SLC36A4: variants seen among roughly 807,000 people sequenced by gnomAD.
SLC36A4 encodes the protein solute carrier family 36 member 4.
SLC36A4 carries 49 observed loss-of-function variants against 50.5 expected under a neutral mutation model. The ratio of observed to expected loss-of-function variants is 0.97; its 90% CI spans 0.77 to 1.23. The LOEUF is 1.23. Among genes scored for constraint, SLC36A4 ranks in the 50% most tolerant of loss-of-function variants. SLC36A4 has a pLI of 0.00. For missense variants in SLC36A4, 611 were observed against 608.4 expected, an observed-to-expected ratio of 1.00 and a Z score of -0.05; for synonymous variants, 207 against 206.5, an observed-to-expected ratio of 1.00 and a Z score of -0.02.
At chr11:93,168,296 A>T in intron 6 of SLC36A4, 125 bp from the exon 7 acceptor site, 1 of 475,964 alleles carries the variant, frequency 2.1e-6, no homozygotes, top group Non-Finnish European at 3.7e-6. Context: ...GATATATTTT[A>T]AAATATTTAC....
At position 93,176,958 on chromosome 11, in the gene SLC36A4, T is replaced by C. The variant is rs1861504062; in HGVS notation, c.540+3839A>G. Among the ~76,000 whole-genome samples the C allele has an allele frequency of 2.6e-5, 4 of 152,288 alleles. No individual in the cohort carries two copies. In the South Asian group the frequency reaches 8.3e-4, roughly 32 times the overall value. On this transcript the variant is annotated intron_variant, in intron 6 of 10. Transcript: ENST00000326402. ...AGTTGCTCTTCTCGAGGTGTTACCTTTGTGGCGTTCTCTGTATTTCCTGAA... is the reference window on the plus strand; with the variant it reads ...AGTTGCTCTTCTCGAGGTGTTACCTCTGTGGCGTTCTCTGTATTTCCTGAA...
At chr11:93,166,894 G>A (rs1051064127) in intron 7 of SLC36A4, 1 of 152,150 alleles carries the variant, frequency 6.6e-6, no homozygotes, top group South Asian at 2.1e-4. Flanking sequence ...CATATACTGG[G>A]TTTAGAATGA....
Position 93,162,726 on chromosome 11 carries a change from T to TAAAGTTA in SLC36A4, c.1010_1016dup (p.Leu339PhefsTer49). 6.2e-7 allele frequency: 1 copy of TAAAGTTA among 1,610,422 alleles called. No homozygotes were observed. Among genetic ancestry groups the TAAAGTTA allele is most frequent in the Non-Finnish European group, 8.5e-7 (1 of 1,178,914 alleles). On this transcript the variant is annotated frameshift_variant, in exon 9 of 11. Coordinates refer to ENST00000326402, the MANE Select transcript of SLC36A4 (RefSeq NM_152313.4). LOFTEE classifies it high-confidence loss of function. ...CCTACCATACATCTTGGGGAAGATTTAAAGTTATGCTGCCTTTGATTTCAT... is the reference window on the plus strand; with the variant it reads ...CCTACCATACATCTTGGGGAAGATTTAAAGTTAAAAGTTATGCTGCCTTTGATTTCAT...
chr11:93,179,719 T>C (rs1271895196), intron 6 of SLC36A4, among the ~76,000 whole-genome samples: 1 of 152,166 alleles, frequency 6.6e-6, no homozygotes, highest in East Asian at 1.9e-4. Context: ...GGCTCAAATA[T>C]AGCATACAGG....
chr11:93,148,970 A>T lies in SLC36A4; in HGVS notation c.1208-126T>A. 1.9e-6 allele frequency: 2 copies of T among 1,031,716 alleles called. 1 individual carries two copies. Among genetic ancestry groups the T allele is most frequent in the South Asian group, 3.3e-5 (2 of 60,218 alleles). The allele number at this position is 1,031,716 out of a possible 1,614,324, so 63.9% of individuals were successfully genotyped here. The stretch of plus-strand genomic sequence containing the variant: ...TAATTAATGAAAGTTGAACTACTAA[A>T]CTATTGCTTGTGAAAAAAATCTGCC... On this transcript the variant is annotated intron_variant, in intron 10 of 10. Coordinates refer to ENST00000326402, the MANE Select transcript of SLC36A4 (RefSeq NM_152313.4).
chr11:93,165,963 T>C lies in SLC36A4; in HGVS notation c.822A>G (p.Pro274=), dbSNP rs768066955. The part of the protein sequence containing the change: ...LPIVAGWKKY[P]LFFGTAVFAF... ...CAAATACAGCAGTACCAAAAAAGAG[T>C]GGGTATTTCTTCCAACCAGCCACTA... The change falls in exon 8 of 11, where the codon CCA becomes CCG. Residue 274 remains proline, a synonymous_variant. Coordinates refer to ENST00000326402, the MANE Select transcript of SLC36A4 (RefSeq NM_152313.4). 3 of 1,610,390 alleles carry C rather than the reference T, an allele frequency of 1.9e-6. No homozygotes were observed. Among genetic ancestry groups the C allele is most frequent in the African/African-American group, 1.3e-5 (1 of 74,666 alleles).
intron 6 of SLC36A4, among the ~76,000 whole-genome samples, chr11:93,179,291 C>T (rs988040258): frequency 3.9e-5 from 6 of 152,186 alleles, no homozygotes; most frequent in African/African-American, 1.4e-4. Flanking sequence ...AAGCCAGACA[C>T]TCTTAGATGC....
chr11:93,180,952 T>G (rs2134691055), intron 5 of SLC36A4, 71 bp from the exon 6 acceptor site: 1 of 1,098,940 alleles, frequency 9.1e-7, no homozygotes, highest in Non-Finnish European at 1.4e-6. Flanking sequence ...ATTTCTCTTT[T>G]CAAGAGTTTT....
chr11:93,148,251 GATAAA>G lies in SLC36A4; in HGVS notation c.*281_*285del, dbSNP rs1196692714. 1 of 245,048 alleles carries G rather than the reference GATAAA, an allele frequency of 4.1e-6. No homozygotes were observed. The highest frequency in any genetic ancestry group is 5.5e-5 in the Admixed American group (1 of 18,120). The allele number at this position is 245,048 out of a possible 1,614,324, so 15.2% of individuals were successfully genotyped here. A position where few individuals can be genotyped will look rare whatever the true frequency, so the allele number is the denominator to read the frequency against. ...ACTTGGTTAAGGTATTTCTTACTGA[GATAAA>G]AGAATAATAGAAGTATTTTTATTCT... On this transcript the variant is annotated 3_prime_UTR_variant, in exon 11 of 11. Coordinates refer to ENST00000326402, the MANE Select transcript of SLC36A4 (RefSeq NM_152313.4).
chr11:93,167,939 C>A lies in SLC36A4; in HGVS notation c.768+5G>T. On this transcript the variant is annotated splice_donor_5th_base_variant and intron_variant, in intron 7 of 10. Coordinates refer to ENST00000326402, the MANE Select transcript of SLC36A4 (RefSeq NM_152313.4). ...AGAACTTAGTTAAAAACTTTTTATA[C>A]TTACCCTGACAACATACTGGTAAAT... is the stretch of plus-strand genomic sequence containing the variant. The A allele has an allele frequency of 1.3e-6, 2 of 1,581,572 alleles. No individual in the cohort carries two copies. Among genetic ancestry groups the A allele is most frequent in the Middle Eastern group, 1.7e-4 (1 of 5,870 alleles).
In SLC36A4 at chr11:93,180,305, C is replaced by T. The variant is rs999671942; in HGVS notation, c.540+492G>A. The T allele has an allele frequency of 3.0e-6, 3 of 985,142 alleles. No individual in the cohort carries two copies. In the African/African-American group the frequency reaches 5.2e-5, roughly 17 times the overall value. 61.0% of individuals were successfully genotyped at this position (985,142 alleles called of 1,614,324 possible). A position where few individuals can be genotyped will look rare whatever the true frequency, so the allele number is the denominator to read the frequency against. On this transcript the variant is annotated intron_variant, in intron 6 of 10. Coordinates refer to ENST00000326402, the MANE Select transcript of SLC36A4 (RefSeq NM_152313.4). ...CAAACCACTTCTTCTTAAAGCAAACCTTCATAATATGAGAAAGTTTCTCAA... is the reference window on the plus strand; with the variant it reads ...CAAACCACTTCTTCTTAAAGCAAACTTTCATAATATGAGAAAGTTTCTCAA...
At chr11:93,188,459 A>AATTC (rs1862081778) in intron 1 of SLC36A4, among the ~76,000 whole-genome samples, 1 of 152,220 alleles carries the variant, frequency 6.6e-6, no homozygotes, top group Non-Finnish European at 1.5e-5. Context: ...AAATTCCTGA[A>AATTC]GTCAAAACTG....
At chr11:93,192,412 G>A (rs887835741) in intron 1 of SLC36A4, among the ~76,000 whole-genome samples, 17 of 152,234 alleles carry the variant, frequency 1.1e-4, no homozygotes, top group African/African-American at 3.4e-4. Flanking sequence ...TCAGATCAGA[G>A]GTGACAGAAA....
intron 5 of SLC36A4, among the ~76,000 whole-genome samples, chr11:93,181,417 C>T (rs1053298400): frequency 3.3e-5 from 5 of 151,872 alleles, no homozygotes; most frequent in African/African-American, 7.2e-5. Flanking sequence ...TATCATTTTA[C>T]TTCATCTACC....
At position 93,155,971 on chromosome 11, in the gene SLC36A4, T is replaced by G. The variant is rs370134363; in HGVS notation, c.1038-1694A>C. On this transcript the variant is annotated intron_variant, in intron 9 of 10. Transcript: ENST00000326402. ...TGTACCACATCTTCTTTATCCAATC[T>G]ATCACTGACAGGCATTTAGGTTAAT... 1.8e-4 allele frequency among the ~76,000 whole-genome samples: 28 copies of G among 152,350 alleles called. 1 individual carries two copies. The highest frequency in any genetic ancestry group is 6.0e-4 in the African/African-American group (25 of 41,588).
chr11:93,195,847 C>T (rs1330410179), intron 1 of SLC36A4, among the ~76,000 whole-genome samples: 3 of 152,168 alleles, frequency 2.0e-5, no homozygotes, highest in Non-Finnish European at 4.4e-5. Flanking sequence ...TTCAATAAGG[C>T]CCATCCCAAC....
intron 8 of SLC36A4, among the ~76,000 whole-genome samples, chr11:93,165,347 C>G (rs1019244685): frequency 5.9e-5 from 9 of 152,094 alleles, no homozygotes; most frequent in Non-Finnish European, 1.3e-4. Context: ...ATCTTAGAAT[C>G]CTCAGAATCT....
rs199797668 is a variant in SLC36A4, at chr11:93,148,725, C to A, written c.1327G>T (p.Glu443Ter). ...AGGACCATCCATATATTATAATGTT[C>A]CTTCGAAAATGTAAGAATTTCAACC... ...PLVEILTFSK[E>*]HYNIWMVLKN... is the part of the protein sequence containing the mutation. Residue 443 changes from glutamate to a stop codon, truncating the protein, a stop_gained, in exon 11 of 11, where the codon GAA (glutamate) becomes TAA (stop). Coordinates refer to ENST00000326402, the MANE Select transcript of SLC36A4 (RefSeq NM_152313.4). LOFTEE classifies it high-confidence loss of function. 3 of 1,612,812 alleles carry A rather than the reference C, an allele frequency of 1.9e-6. No homozygotes were observed. The African/African-American group carries it at 4.0e-5, about 22-fold the overall frequency.
intron 6 of SLC36A4, among the ~76,000 whole-genome samples, chr11:93,176,301 G>C (rs1169847865): frequency 6.7e-6 from 1 of 149,690 alleles, no homozygotes; most frequent in African/African-American, 2.4e-5. Context: ...CATTTGCTTG[G>C]TAGATCTTCC....
Sources: allele counts gnomAD v4.1 joint callset (sites outside exome capture counted in the v4.1 genomes callset), GRCh38; gene constraint gnomAD v4.1.1; transcripts MANE v1.5; gene names NCBI Gene and HGNC (gene_info 2026-07-23, HGNC 2026-07-21).